SNRNP40: variants seen among roughly 807,000 people sequenced by gnomAD.
SNRNP40 encodes the protein small nuclear ribonucleoprotein U5 subunit 40.
SNRNP40 carries 21 observed loss-of-function variants against 45.8 expected under a neutral mutation model. The observed-to-expected ratio is 0.46, with a 90% confidence interval of 0.32 to 0.66. SNRNP40 has a LOEUF of 0.66. Ranked by LOEUF, SNRNP40 falls within the 30% of genes least tolerant of loss-of-function variation. The pLI is 0.03. For missense variants in SNRNP40, 344 were observed against 439.1 expected, an observed-to-expected ratio of 0.78 and a Z score of 1.94; for synonymous variants, 142 against 163.8, an observed-to-expected ratio of 0.87 and a Z score of 1.01.
intron 5 of SNRNP40, among the ~76,000 whole-genome samples, chr1:31,274,928 C>A (rs1039076439): frequency 1.3e-5 from 2 of 152,190 alleles, no homozygotes; most frequent in African/African-American, 4.8e-5. Context: ...ACAGGCAGTG[C>A]TACCTAAGAT....
chr1:31,295,354 AAAAG>A (rs1430340167), intron 1 of SNRNP40, among the ~76,000 whole-genome samples: 3 of 151,754 alleles, frequency 2.0e-5, no homozygotes, highest in Admixed American at 2.0e-4. Context: ...AAAAAACAAA[AAAAG>A]AGAGAGAGAG....
intron 4 of SNRNP40, among the ~76,000 whole-genome samples, chr1:31,283,510 C>T (rs1472463816): frequency 6.6e-6 from 1 of 152,026 alleles, no homozygotes; most frequent in African/African-American, 2.4e-5. Flanking sequence ...AGCTGAGGTG[C>T]AAGAATCACT....
intron 7 of SNRNP40, among the ~76,000 whole-genome samples, chr1:31,268,618 CAAAA>C (rs61281774): frequency 1.4e-5 from 2 of 145,600 alleles, no homozygotes; most frequent in Admixed American, 6.8e-5. Context: ...AATGAGCTCT[CAAAA>C]AAAAAAATCT....
intron 5 of SNRNP40, among the ~76,000 whole-genome samples, chr1:31,272,661 AG>A (rs1645946884): frequency 6.6e-6 from 1 of 152,240 alleles, no homozygotes; most frequent in Non-Finnish European, 1.5e-5. Flanking sequence ...GGCACAAGAC[AG>A]GTCCTCAATA....
intron 4 of SNRNP40, among the ~76,000 whole-genome samples, chr1:31,283,177 AT>A (rs1646032182): frequency 6.6e-6 from 1 of 152,218 alleles, no homozygotes; most frequent in Non-Finnish European, 1.5e-5. Context: ...GACTGGGAGA[AT>A]TTTTGTTCTT....
Position 31,271,449 on chromosome 1 carries a change from T to C in SNRNP40, c.705A>G (p.Ala235=), listed in dbSNP as rs748398628. ...TTAAACTCAGGCCAGTCACTGAATC[T>C]GCATGGCCTCTCATGGTGTAGGTTA... ...NKLTYTMRGH[A]DSVTGLSLSS... is the part of the protein sequence containing the mutation. The change falls in exon 6 of 10, where the codon GCA becomes GCG. Residue 235 remains alanine, a synonymous_variant. Coordinates refer to ENST00000263694, the MANE Select transcript of SNRNP40 (RefSeq NM_004814.3). 8 of 1,614,072 alleles carry C rather than the reference T, an allele frequency of 5.0e-6. No homozygotes were observed. Among genetic ancestry groups the C allele is most frequent in the African/African-American group, 1.3e-5 (1 of 75,036 alleles).
Position 31,296,779 on chromosome 1 carries a change from C to A in SNRNP40, c.-28G>T. On this transcript the variant is annotated 5_prime_UTR_variant, in exon 1 of 10. Coordinates refer to ENST00000263694, the MANE Select transcript of SNRNP40 (RefSeq NM_004814.3). ...CGGCAACCGGTCTCTTCAGCGCCGC[C>A]ACTGACCGCGCTGCCGCTCTCAGGC... 6.4e-7 allele frequency: 1 copy of A among 1,554,870 alleles called. No individual in the cohort carries two copies. Among genetic ancestry groups the A allele is most frequent in the Non-Finnish European group, 8.7e-7 (1 of 1,150,284 alleles).
chr1:31,271,236 G>T, intron 6 of SNRNP40, 143 bp downstream of exon 6: 1 of 771,274 alleles, frequency 1.3e-6, no homozygotes, highest in Non-Finnish European at 2.1e-6. Flanking sequence ...ACAAGACAGA[G>T]ATCTGAGACT....
At chr1:31,282,443 C>T (rs1345393080) in intron 4 of SNRNP40, 3 of 151,480 alleles carry the variant, frequency 2.0e-5, no homozygotes, top group South Asian at 4.2e-4. Context: ...ATAAGAGCTT[C>T]GAAAAGCACC....
chr1:31,295,096 G>C (rs556344564), intron 1 of SNRNP40, among the ~76,000 whole-genome samples: 1 of 152,102 alleles, frequency 6.6e-6, no homozygotes, highest in South Asian at 2.1e-4. Context: ...ATGTGCTATA[G>C]AGCAAAAGAA....
chr1:31,296,481 T>G (rs1646160206), intron 1 of SNRNP40, 130 bp downstream of exon 1: 1 of 1,251,788 alleles, frequency 8.0e-7, no homozygotes, highest in Non-Finnish European at 1.1e-6. Flanking sequence ...AGTGTTTATG[T>G]GCTTTAACTC....
Position 31,281,501 on chromosome 1 carries a change from A to G in SNRNP40, c.532-5T>C, listed in dbSNP as rs1481466533. 1 of 1,601,448 alleles carries G rather than the reference A, an allele frequency of 6.2e-7. No individual in the cohort carries two copies. The highest frequency in any genetic ancestry group is 8.6e-7 in the Non-Finnish European group (1 of 1,169,446). ...TTTCTTCCGGATGTCCCAAAGCTGA[A>G]GCAAAGGACAAGACAGTCTATCAGC... On this transcript the variant is annotated splice_polypyrimidine_tract_variant and splice_region_variant and intron_variant, in intron 4 of 9. Coordinates refer to ENST00000263694, the MANE Select transcript of SNRNP40 (RefSeq NM_004814.3).
At chr1:31,289,715 C>G (rs1403389954) in intron 3 of SNRNP40, among the ~76,000 whole-genome samples, 1 of 152,154 alleles carries the variant, frequency 6.6e-6, no homozygotes, top group African/African-American at 2.4e-5. Context: ...TTTGTGATAG[C>G]TAACATTTTA....
Position 31,287,186 on chromosome 1 carries a change from C to G in SNRNP40, c.531+2068G>C, listed in dbSNP as rs183606299. On this transcript the variant is annotated intron_variant, in intron 4 of 9. Coordinates refer to ENST00000263694, the MANE Select transcript of SNRNP40 (RefSeq NM_004814.3). ...CAACCTAGTAACAAAAATACAAGAA[C>G]ACAAAGCATTCCAACTTCACAAGTA... Among the ~76,000 whole-genome samples, 26 of 152,176 alleles carry G rather than the reference C, an allele frequency of 1.7e-4. No individual in the cohort carries two copies. In the East Asian group the frequency reaches 3.5e-3, roughly 20 times the overall value.
chr1:31,262,538 AAAAAAAGAGGAG>A (rs1337134689), intron 8 of SNRNP40, among the ~76,000 whole-genome samples: 2 of 99,566 alleles, frequency 2.0e-5, no homozygotes, highest in Non-Finnish European at 5.1e-5. Flanking sequence ...AAAAAAAAAA[AAAAAAAGAGGAG>A]AAAAAAGAAA....
Position 31,293,159 on chromosome 1 carries a change from A to T in SNRNP40, c.271+60T>A, listed in dbSNP as rs1027694161. ...ATACCTTCTGTGGCACCCAAGATTT[A>T]AAAAAAAAAATCACTATCTGGCAGG... On this transcript the variant is annotated intron_variant, in intron 2 of 9. Coordinates refer to ENST00000263694, the MANE Select transcript of SNRNP40 (RefSeq NM_004814.3). 103 of 859,742 alleles carry T rather than the reference A, an allele frequency of 1.2e-4. 1 individual carries two copies. Among genetic ancestry groups the T allele is most frequent in the African/African-American group, 5.8e-4 (32 of 55,412 alleles). 53.3% of individuals were successfully genotyped at this position (859,742 alleles called of 1,614,324 possible).
chr1:31,263,577 A>G (rs765302006), intron 8 of SNRNP40: 23 of 456,132 alleles, frequency 5.0e-5, no homozygotes, highest in African/African-American at 8.3e-5. Context: ...AAACTGAAGT[A>G]AAACTTGAAG....
chr1:31,277,790 G>A (rs1282842074), intron 5 of SNRNP40, among the ~76,000 whole-genome samples: 1 of 152,150 alleles, frequency 6.6e-6, no homozygotes, highest in Non-Finnish European at 1.5e-5. Flanking sequence ...CACCACCCTG[G>A]TTCAAGCCAG....
intron 8 of SNRNP40, chr1:31,263,773 C>T: frequency 3.8e-6 from 1 of 264,768 alleles, no homozygotes; most frequent in Non-Finnish European, 7.4e-6. Flanking sequence ...ACAGAAGTGA[C>T]CAGGAGCCCA....
Sources: allele counts gnomAD v4.1 joint callset (sites outside exome capture counted in the v4.1 genomes callset), GRCh38; gene constraint gnomAD v4.1.1; transcripts MANE v1.5; gene names NCBI Gene and HGNC (gene_info 2026-07-23, HGNC 2026-07-21).